The following TRAF3IP3 variants were observed in gnomAD, a reference collection of about 807,000 sequenced individuals.
TRAF3IP3 encodes TRAF3 interacting protein 3.
In TRAF3IP3, 64 loss-of-function variants were observed where a neutral mutation model predicts 86.5. The observed-to-expected ratio is 0.74, with a 90% CI of 0.60 to 0.91. The LOEUF is 0.91. Among genes scored for constraint, TRAF3IP3 ranks in the 40% least tolerant of loss-of-function variants. The probability of loss-of-function intolerance (pLI) is 0.00; values close to 1 mark genes in which losing one functional copy is unlikely to be tolerated. For synonymous variants in TRAF3IP3, 220 were observed against 243.9 expected (o/e 0.90, Z 0.91); for missense variants, 579 against 642.9 (o/e 0.90, Z 1.07).
intron 1 of TRAF3IP3, among the ~76,000 whole-genome samples, chr1:209,757,719 A>C (rs949162471): frequency 1.3e-5 from 2 of 152,218 alleles, no homozygotes; most frequent in Non-Finnish European, 1.5e-5. Flanking sequence ...CAAGTCTTCA[A>C]TATCCAACAT....
chr1:209,771,498 T>G (rs1319427203), intron 8 of TRAF3IP3, among the ~76,000 whole-genome samples: 1 of 104,318 alleles, frequency 9.6e-6, no homozygotes, highest in Non-Finnish European at 1.9e-5. Flanking sequence ...CGTGTGCATG[T>G]GAAGGTGTGT....
intron 8 of TRAF3IP3, among the ~76,000 whole-genome samples, chr1:209,771,127 T>C (rs1262127372): frequency 7.2e-6 from 1 of 138,992 alleles, no homozygotes; most frequent in Non-Finnish European, 1.5e-5. Context: ...GAAGTGTGCG[T>C]GTGCATATGG....
At position 209,781,170 on chromosome 1, in the gene TRAF3IP3, C is replaced by T. The variant is rs1021137313; in HGVS notation, c.1450-175C>T. ...TTACTGTCAATCATTTAAATGAACA[C>T]ATTCCAGACAATGTAAGACAGTCAA... On this transcript the variant is annotated intron_variant, in intron 15 of 16. Transcript: ENST00000367025. 47 of 473,064 alleles carry T rather than the reference C, an allele frequency of 9.9e-5. 1 individual carries two copies. In the South Asian group the frequency reaches 1.3e-3, roughly 13 times the overall value. 29.3% of individuals were successfully genotyped at this position (473,064 alleles called of 1,614,324 possible). A position where few individuals can be genotyped will look rare whatever the true frequency, so the allele number is the denominator to read the frequency against.
intron 15 of TRAF3IP3, 131 bp from the exon 16 acceptor site, chr1:209,781,214 T>C (rs2102524522): frequency 1.7e-6 from 1 of 587,190 alleles, no homozygotes; most frequent in East Asian, 2.9e-5. Context: ...CTCAAATCCC[T>C]GAGAATGGCT....
chr1:209,777,765 T>C (rs551986704), intron 12 of TRAF3IP3: 4 of 501,166 alleles, frequency 8.0e-6, no homozygotes, highest in South Asian at 5.8e-5. Flanking sequence ...CCCACATCAG[T>C]CACATATGTC....
At chr1:209,765,766 A>C (rs2077345625) in intron 8 of TRAF3IP3, among the ~76,000 whole-genome samples, 1 of 152,112 alleles carries the variant, frequency 6.6e-6, no homozygotes, top group Non-Finnish European at 1.5e-5. Context: ...TGTCTGGCTG[A>C]AAAAAAAGAC....
chr1:209,773,702 T>C (rs1021120356), intron 9 of TRAF3IP3, among the ~76,000 whole-genome samples: 5 of 152,246 alleles, frequency 3.3e-5, no homozygotes, highest in Non-Finnish European at 5.9e-5. Flanking sequence ...ATTGATGGCG[T>C]CTTACAGGGG....
intron 8 of TRAF3IP3, among the ~76,000 whole-genome samples, chr1:209,765,901 G>A (rs974074031): frequency 3.9e-5 from 6 of 152,294 alleles, no homozygotes; most frequent in South Asian, 4.1e-4. Flanking sequence ...GGGTCTTGGG[G>A]ATTCCCAAGT....
chr1:209,780,472 C>A lies in TRAF3IP3; in HGVS notation c.1315C>A (p.Gln439Lys). The A allele has an allele frequency of 1.9e-6, 3 of 1,556,268 alleles. No individual in the cohort carries two copies. The highest frequency in any genetic ancestry group is 2.6e-6 in the Non-Finnish European group (3 of 1,146,912). ...CAAGAATCTGGCTGCTTTTTTAGAT[C>A]AGGCTTTGCCCGTGTGGAGTCCAAA... ...EQEKLLTKKD[Q>K]ALPVWSPKSF... Residue 439 changes from glutamine (Q) to lysine (K), a missense_variant and splice_region_variant, in exon 15 of 17, where the codon CAG (glutamine) becomes AAG (lysine). Transcript: ENST00000367025.
chr1:209,774,400 C>G (rs2077610409), intron 9 of TRAF3IP3, among the ~76,000 whole-genome samples: 1 of 152,128 alleles, frequency 6.6e-6, no homozygotes, highest in South Asian at 2.1e-4. Context: ...ATAATAGAGG[C>G]ATGCAGGGGA....
At chr1:209,779,103 C>T (rs192312996) in intron 13 of TRAF3IP3, 4 of 589,098 alleles carry the variant, frequency 6.8e-6, no homozygotes, top group Non-Finnish European at 9.0e-6. Context: ...CCCATTTTAA[C>T]TTGATTATCT....
rs1344430501 is a variant in TRAF3IP3 at position 209,777,364 on chromosome 1, A to C, written c.1066A>C (p.Arg356=). The C allele has an allele frequency of 6.2e-7, 1 of 1,613,726 alleles. No homozygotes were observed. The highest frequency in any genetic ancestry group is 8.5e-7 in the Non-Finnish European group (1 of 1,179,874). ...CTCCTCCTTACAGGGAGCAGATAGC[A>C]GGGACTTACAGATGAACCAGGCCCT... ...LQSKLQGADS[R]DLQMNQALRF... is the part of the protein sequence containing the mutation. Residue 356 remains arginine (R), a synonymous_variant, in exon 12 of 17, where the codon AGG becomes CGG. Coordinates refer to ENST00000367025, the MANE Select transcript of TRAF3IP3 (RefSeq NM_025228.4).
In TRAF3IP3 at chr1:209,763,578, C is replaced by T. The variant is rs1368185885; in HGVS notation, c.693C>T (p.Ser231=). 3.7e-6 allele frequency: 6 copies of T among 1,613,088 alleles called. No individual in the cohort carries two copies. Among genetic ancestry groups the T allele is most frequent in the Middle Eastern group, 3.3e-4 (2 of 6,082 alleles). ...CCACTCTGATTCAGGCCTCTGACAGCTCTTGGAAGGTAAGGGAATGAAATT... is the reference window on the plus strand; with the variant it reads ...CCACTCTGATTCAGGCCTCTGACAGTTCTTGGAAGGTAAGGGAATGAAATT... ...LLSTLIQASD[S]SWKGQLNEDK... is the part of the protein sequence containing the mutation. The change falls in exon 8 of 17, where the codon AGC becomes AGT. Residue 231 remains serine, a synonymous_variant. Transcript: ENST00000367025.
chr1:209,772,245 T>C (rs2077560126), intron 8 of TRAF3IP3, among the ~76,000 whole-genome samples: 1 of 152,194 alleles, frequency 6.6e-6, no homozygotes, highest in Admixed American at 6.5e-5. Context: ...TCGTTTCTCC[T>C]GCGGTCTCTC....
chr1:209,762,425 T>C, intron 3 of TRAF3IP3, 90 bp from the exon 4 acceptor site: 1 of 1,326,886 alleles, frequency 7.5e-7, no homozygotes, highest in Non-Finnish European at 9.9e-7. Context: ...ATAACAAACA[T>C]GATGGTTAGT....
intron 3 of TRAF3IP3, among the ~76,000 whole-genome samples, chr1:209,760,659 A>G (rs1360685958): frequency 6.6e-6 from 1 of 152,216 alleles, no homozygotes; most frequent in African/African-American, 2.4e-5. Flanking sequence ...CAGGCTGGGC[A>G]TGTTGGCTTA....
intron 13 of TRAF3IP3, 106 bp from the exon 14 acceptor site, chr1:209,779,209 C>T (rs2077724203): frequency 2.4e-6 from 2 of 824,930 alleles, no homozygotes; most frequent in Non-Finnish European, 3.9e-6. Context: ...CAACACACAG[C>T]AGATGGGAAC....
chr1:209,782,127 T>C lies in TRAF3IP3; in HGVS notation c.1635T>C (p.Asn545=). 1.2e-6 allele frequency: 2 copies of C among 1,614,074 alleles called. No homozygotes were observed. Among genetic ancestry groups the C allele is most frequent in the Non-Finnish European group, 1.7e-6 (2 of 1,179,912 alleles). ...IAAALAVFLA[N]KDNLMI ...CAGCACTGGCAGTGTTCCTGGCCAA[T>C]AAAGACAACCTGATGATCTGAATAA... Residue 545 remains asparagine (N), a synonymous_variant, in exon 17 of 17, where the codon AAT becomes AAC. Coordinates refer to ENST00000367025, the MANE Select transcript of TRAF3IP3 (RefSeq NM_025228.4).
chr1:209,762,827 G>A lies in TRAF3IP3; in HGVS notation c.508G>A (p.Ala170Thr), dbSNP rs188910155. 3.9e-5 allele frequency: 62 copies of A among 1,599,168 alleles called. No homozygotes were observed. The highest frequency in any genetic ancestry group is 6.8e-5 in the Admixed American group (4 of 59,162). The change falls in exon 5 of 17, where the codon GCA (alanine) becomes ACA (threonine). Residue 170 changes from alanine to threonine, a missense_variant. Physicochemically the swap from Ala to Thr is moderately conservative, Grantham distance 58. Transcript: ENST00000367025. ...PKHHRGTQTK[A>T]EGPTIKNDAS... ...CCATCTCTCAGGTACTCAGACAAAG[G>A]CAGAAGGACCAACAATTAAGAACGA... is the stretch of plus-strand genomic sequence containing the variant.
Sources: gnomAD v4.1 joint callset for allele counts (sites outside exome capture counted in the v4.1 genomes callset) on GRCh38, gnomAD v4.1.1 for gene constraint, MANE v1.5 for transcripts, NCBI Gene and HGNC (gene_info 2026-07-23, HGNC 2026-07-21) for gene names.